The following SPOCK3 variants were observed in gnomAD, a reference collection of about 807,000 sequenced individuals.
SPOCK3 encodes the protein SPARC (osteonectin), cwcv and kazal like domains proteoglycan 3, also known as testican-3.
SPOCK3 carries 30 observed loss-of-function variants against 56.6 expected under a neutral mutation model. That is an observed-to-expected ratio of 0.53 (90% confidence interval 0.40 to 0.72). The LOEUF (loss-of-function observed/expected upper bound fraction) is 0.72. SPOCK3 is among the 30% of genes least tolerant of loss of function. The probability of loss-of-function intolerance (pLI) is 0.00; values close to 1 mark genes in which losing one functional copy is unlikely to be tolerated. For missense variants in SPOCK3, 527 were observed against 530.0 expected, an observed-to-expected ratio of 0.99 and a Z score of 0.06; for synonymous variants, 196 against 183.3, an observed-to-expected ratio of 1.07 and a Z score of -0.56.
intron 2 of SPOCK3, among the ~76,000 whole-genome samples, chr4:167,146,497 A>G (rs1048882257): frequency 6.6e-6 from 1 of 152,166 alleles, no homozygotes; most frequent in East Asian, 1.9e-4. Flanking sequence ...CCCCAAATCA[A>G]CAGAATATAC....
chr4:167,043,012 A>G (rs1753369901), intron 3 of SPOCK3, among the ~76,000 whole-genome samples: 2 of 152,036 alleles, frequency 1.3e-5, no homozygotes, highest in African/African-American at 4.8e-5. Flanking sequence ...TAGCAACCTC[A>G]TCACTTTTTC....
intron 8 of SPOCK3, among the ~76,000 whole-genome samples, chr4:166,746,722 T>A (rs915262619): frequency 2.6e-5 from 4 of 151,888 alleles, no homozygotes; most frequent in Non-Finnish European, 5.9e-5. Flanking sequence ...ATCAACAAAA[T>A]TGATAGACTG....
intron 3 of SPOCK3, among the ~76,000 whole-genome samples, chr4:167,053,081 A>G (rs560748394): frequency 6.6e-5 from 10 of 152,216 alleles, no homozygotes; most frequent in Non-Finnish European, 8.8e-5. Context: ...GAATGTTATT[A>G]TATGTGAGAC....
chr4:166,805,871 ATTG>A (rs1311171497), intron 6 of SPOCK3, among the ~76,000 whole-genome samples: 1 of 152,126 alleles, frequency 6.6e-6, no homozygotes, highest in Admixed American at 6.6e-5. Context: ...GTGTCAGAAA[ATTG>A]TTTACAATAA....
chr4:166,790,351 G>A (rs1000389413), intron 7 of SPOCK3, among the ~76,000 whole-genome samples: 2 of 152,132 alleles, frequency 1.3e-5, no homozygotes, highest in African/African-American at 4.8e-5. Flanking sequence ...AATTAAATAA[G>A]ATAGACCCAA....
intron 7 of SPOCK3, among the ~76,000 whole-genome samples, chr4:166,765,298 T>A (rs1197656734): frequency 6.6e-6 from 1 of 152,250 alleles, no homozygotes; most frequent in African/African-American, 2.4e-5. Flanking sequence ...TAGGTTTTCT[T>A]CTAGGGTTTT....
intron 2 of SPOCK3, among the ~76,000 whole-genome samples, chr4:167,091,299 A>G (rs7671983): frequency 0.054 from 8,152 of 152,256 alleles, 317 homozygotes; most frequent in African/African-American, 0.11. Context: ...GATTACAAGT[A>G]CTAATAACAT....
intron 8 of SPOCK3, among the ~76,000 whole-genome samples, chr4:166,752,562 A>G (rs367638066): frequency 5.9e-4 from 37 of 62,728 alleles, no homozygotes; most frequent in South Asian, 1.2e-3. Flanking sequence ...GTATATATAT[A>G]TATATATATA....
rs547171838 is a variant in SPOCK3, at chr4:167,222,666, C to T, written c.189+11319G>A. Among the ~76,000 whole-genome samples, 843 of 129,128 alleles carry T rather than the reference C, an allele frequency of 6.5e-3. 7 individuals carry two copies. The highest frequency in any genetic ancestry group is 0.024 in the African/African-American group (809 of 34,156). 84.7% of individuals were successfully genotyped at this position (129,128 alleles called of 152,430 possible). A position where few individuals can be genotyped will look rare whatever the true frequency, so the allele number is the denominator to read the frequency against. On this transcript the variant is annotated intron_variant, in intron 2 of 10. Transcript: ENST00000357545. ...ATATATTCATATATAAATATATAAA[C>T]ATAGATATATATTTATATATGAATA... is the stretch of plus-strand genomic sequence containing the variant.
At chr4:167,225,867 A>G (rs1736545286) in intron 2 of SPOCK3, among the ~76,000 whole-genome samples, 1 of 152,184 alleles carries the variant, frequency 6.6e-6, no homozygotes, top group Admixed American at 6.5e-5. Flanking sequence ...CAGAGATACT[A>G]GAACCAAAAA....
chr4:166,753,253 C>T (rs1012737930), intron 8 of SPOCK3, among the ~76,000 whole-genome samples: 9 of 151,882 alleles, frequency 5.9e-5, no homozygotes, highest in East Asian at 3.9e-4. Flanking sequence ...TACATGACTA[C>T]GTGTATTTTT....
chr4:166,752,271 C>T (rs938318379), intron 8 of SPOCK3, among the ~76,000 whole-genome samples: 2 of 152,218 alleles, frequency 1.3e-5, no homozygotes, highest in Admixed American at 6.5e-5. Flanking sequence ...AATCCACCCT[C>T]CTTGGCCTCC....
intron 2 of SPOCK3, among the ~76,000 whole-genome samples, chr4:167,099,812 A>G (rs918295449): frequency 1.2e-4 from 18 of 152,070 alleles, no homozygotes; most frequent in African/African-American, 4.1e-4. Flanking sequence ...TTCTCTGCTC[A>G]AGTTTCCCTT....
In SPOCK3 at chr4:167,056,962, G is replaced by T. The variant is rs558696451; in HGVS notation, c.235+5530C>A. 2.0e-5 allele frequency among the ~76,000 whole-genome samples: 3 copies of T among 151,902 alleles called. No individual in the cohort carries two copies. The East Asian group carries it at 5.8e-4, about 29-fold the overall frequency. On this transcript the variant is annotated intron_variant, in intron 3 of 10. Coordinates refer to ENST00000357545, the MANE Select transcript of SPOCK3 (RefSeq NM_001040159.2). ...ACCACAAAGATACTCCTCGAGAAGA[G>T]CAACTCCAAGTCACATAATTGTCAG...
rs1035898508 is a variant in SPOCK3, at chr4:167,150,356, G to A, written c.189+83629C>T. ...AATACTAGAGGAGTTTGGCAGAAAA[G>A]TTACTGAAGAAATAGATATATTTAG... On this transcript the variant is annotated intron_variant, in intron 2 of 10. Coordinates refer to ENST00000357545, the MANE Select transcript of SPOCK3 (RefSeq NM_001040159.2). 7.9e-5 allele frequency among the ~76,000 whole-genome samples: 12 copies of A among 152,020 alleles called. 1 individual carries two copies. In the East Asian group the frequency reaches 1.4e-3, roughly 17 times the overall value.
At chr4:167,174,360 T>G (rs1183553860) in intron 2 of SPOCK3, among the ~76,000 whole-genome samples, 1 of 151,940 alleles carries the variant, frequency 6.6e-6, no homozygotes, top group Non-Finnish European at 1.5e-5. Context: ...TAAGGGTACA[T>G]TTTATGTTTC....
In SPOCK3 at chr4:166,912,698, T is replaced by A. The variant is rs762763290; in HGVS notation, c.396A>T (p.Ile132=). 14 of 1,613,464 alleles carry A rather than the reference T, an allele frequency of 8.7e-6. No individual in the cohort carries two copies. Among genetic ancestry groups the A allele is most frequent in the Non-Finnish European group, 1.2e-5 (14 of 1,179,672 alleles). Residue 132 remains isoleucine (I), a synonymous_variant, in exon 5 of 11, where the codon ATA becomes ATT. Transcript: ENST00000357545. ...CTGGGCACTGCTTGCAGGTGGATAA[T>A]ATGGGACCCCTCCACTGCCTATGGT... ...GVDHRQWRGP[I]LSTCKQCPVV... is the part of the protein sequence containing the mutation.
At chr4:166,895,054 ATTTG>A (rs1350793558) in intron 5 of SPOCK3, among the ~76,000 whole-genome samples, 3 of 152,110 alleles carry the variant, frequency 2.0e-5, no homozygotes, top group Non-Finnish European at 2.9e-5. Flanking sequence ...ATTTCATTTT[ATTTG>A]TTTAATTAAA....
Position 167,169,615 on chromosome 4 carries a change from AGAATTTG to A in SPOCK3, c.189+64363_189+64369del, listed in dbSNP as rs1467265790. On this transcript the variant is annotated intron_variant, in intron 2 of 10. Transcript: ENST00000357545. ...GAAGGGACTCGCATTGTCTCAGATG[AGAATTTG>A]GACTGTGGACTTTTGAATTAATGCT... Among the ~76,000 whole-genome samples the A allele has an allele frequency of 2.0e-5, 3 of 152,122 alleles. No individual in the cohort carries two copies. The East Asian group carries it at 5.8e-4, about 29-fold the overall frequency.
Sources: allele counts gnomAD v4.1 joint callset (sites outside exome capture counted in the v4.1 genomes callset), GRCh38; gene constraint gnomAD v4.1.1; transcripts MANE v1.5; gene names NCBI Gene and HGNC (gene_info 2026-07-23, HGNC 2026-07-21).